GRIP1: variants seen among roughly 807,000 people sequenced by gnomAD.
GRIP1 encodes glutamate receptor-interacting protein 1.
In GRIP1, 45 loss-of-function variants were observed where a neutral mutation model predicts 129.9. The ratio of observed to expected loss-of-function variants is 0.35; its 90% CI spans 0.27 to 0.44. The LOEUF (loss-of-function observed/expected upper bound fraction) is 0.44, where lower values mean the gene tolerates loss of function less well. GRIP1 is among the 20% of genes least tolerant of loss of function. The pLI is 1.00. For synonymous variants in GRIP1, 530 were observed against 520.8 expected, an observed-to-expected ratio of 1.02 and a Z score of -0.24; for missense variants, 1,196 against 1,396.8, an observed-to-expected ratio of 0.86 and a Z score of 2.29.
Position 66,574,936 on chromosome 12 carries a change from T to C in GRIP1, c.136+21911A>G, listed in dbSNP as rs111587446. On this transcript the variant is annotated intron_variant, in intron 2 of 24. Transcript: ENST00000359742. ...CACCCAGCCACCATGCCCAGCTATT[T>C]TTTTTTTCTATTTTTAATAGAGACG... Among the ~76,000 whole-genome samples, 637 of 152,136 alleles carry C rather than the reference T, an allele frequency of 4.2e-3. 6 individuals carry two copies. The highest frequency in any genetic ancestry group is 0.015 in the African/African-American group (606 of 41,514).
chr12:66,662,254 T>C (rs568725515), intron 1 of GRIP1, among the ~76,000 whole-genome samples: 1 of 152,264 alleles, frequency 6.6e-6, no homozygotes, highest in Non-Finnish European at 1.5e-5. Flanking sequence ...CCCCTTGTTA[T>C]TTTCTCAGTT....
chr12:66,687,145 C>A (rs1178019936), intron 1 of GRIP1, among the ~76,000 whole-genome samples: 1 of 152,124 alleles, frequency 6.6e-6, no homozygotes, highest in Non-Finnish European at 1.5e-5. Context: ...CACGTTACTC[C>A]TTCAAATAAA....
chr12:66,625,266 T>C (rs2029885861), intron 1 of GRIP1, among the ~76,000 whole-genome samples: 1 of 152,168 alleles, frequency 6.6e-6, no homozygotes, highest in Non-Finnish European at 1.5e-5. Context: ...TACATTATTG[T>C]CTTGCTTCCA....
At chr12:66,462,887 G>A (rs4913301) in intron 9 of GRIP1, 37 bp downstream of exon 9, 409,240 of 1,558,150 alleles carry the variant, frequency 0.26, 55,863 homozygotes, top group Middle Eastern at 0.35. Context: ...CACTGTGAGG[G>A]CCAGAGAAAG....
intron 1 of GRIP1, among the ~76,000 whole-genome samples, chr12:66,687,805 C>T (rs2034837681): frequency 6.6e-6 from 1 of 152,136 alleles, no homozygotes; most frequent in Non-Finnish European, 1.5e-5. Flanking sequence ...GTCTACCCCT[C>T]CAGGTATGGG....
At chr12:66,355,900 T>C (rs2054466227) in intron 23 of GRIP1, among the ~76,000 whole-genome samples, 1 of 152,182 alleles carries the variant, frequency 6.6e-6, no homozygotes, top group African/African-American at 2.4e-5. Flanking sequence ...TTATGAATCA[T>C]TGCAGAGAAA....
At chr12:67,027,729 T>G (rs2042960765) in intron 1 of GRIP1, among the ~76,000 whole-genome samples, 1 of 152,114 alleles carries the variant, frequency 6.6e-6, no homozygotes, top group Non-Finnish European at 1.5e-5. Flanking sequence ...GCAATAGAAC[T>G]AGTTCAGGGC....
At position 66,465,237 on chromosome 12, in the gene GRIP1, C is replaced by T. The variant is rs550674529; in HGVS notation, c.872+38G>A. ...TTGGGATTACAGGCGTGAGCCACTG[C>T]GCCTGGCGGAAAAGTAGGCACTTTC... On this transcript the variant is annotated intron_variant, in intron 8 of 24. Transcript: ENST00000359742. The T allele has an allele frequency of 1.6e-5, 26 of 1,594,494 alleles. No individual in the cohort carries two copies. In the South Asian group the frequency reaches 2.1e-4, roughly 13 times the overall value.
intron 1 of GRIP1, among the ~76,000 whole-genome samples, chr12:66,835,958 G>A (rs930356335): frequency 6.6e-6 from 1 of 151,998 alleles, no homozygotes; most frequent in Admixed American, 6.6e-5. Context: ...GAGGCTGTGT[G>A]TGTATAGGGG....
intron 1 of GRIP1, among the ~76,000 whole-genome samples, chr12:66,835,054 G>GA (rs1328776026): frequency 1.3e-5 from 2 of 152,110 alleles, no homozygotes; most frequent in South Asian, 2.1e-4. Context: ...CACAGACTGG[G>GA]AAAAATATTT....
At chr12:66,489,151 C>T (rs796993821) in intron 7 of GRIP1, among the ~76,000 whole-genome samples, 7 of 152,128 alleles carry the variant, frequency 4.6e-5, no homozygotes, top group African/African-American at 1.2e-4. Flanking sequence ...TGCCAAAACC[C>T]GGCAGGGATA....
At chr12:67,060,616 T>C (rs901141852) in intron 1 of GRIP1, among the ~76,000 whole-genome samples, 4 of 151,720 alleles carry the variant, frequency 2.6e-5, no homozygotes, top group African/African-American at 9.7e-5. Context: ...AGGTCAGGAG[T>C]TCGAGACCAG....
At chr12:66,411,790 G>T (rs570137806) in intron 15 of GRIP1, among the ~76,000 whole-genome samples, 1 of 152,274 alleles carries the variant, frequency 6.6e-6, no homozygotes, top group East Asian at 1.9e-4. Context: ...AAACATAAAT[G>T]ACCTTATGGA....
intron 15 of GRIP1, among the ~76,000 whole-genome samples, chr12:66,412,829 T>C (rs907225761): frequency 2.0e-5 from 3 of 152,080 alleles, no homozygotes; most frequent in African/African-American, 7.2e-5. Flanking sequence ...AAGCAGAGCC[T>C]GCACTCCTAA....
chr12:66,955,664 T>C (rs2041829936), intron 1 of GRIP1, among the ~76,000 whole-genome samples: 2 of 151,862 alleles, frequency 1.3e-5, no homozygotes, highest in African/African-American at 4.8e-5. Flanking sequence ...TGCATCACCA[T>C]GCCCGGATAA....
upstream of GRIP1, among the ~76,000 whole-genome samples, chr12:66,808,445 C>T: frequency 6.6e-6 from 1 of 152,010 alleles, no homozygotes. Flanking sequence ...TTACAGGCGC[C>T]TGCCACCATG....
chr12:66,463,373 T>C lies in GRIP1; in HGVS notation c.873-280A>G, dbSNP rs150912557. ...TATTTTGGAGTGCTTGTGTGGAAAGTTGAGGGAAAGCGAGCAAGAGGAAAG... is the reference window on the plus strand; with the variant it reads ...TATTTTGGAGTGCTTGTGTGGAAAGCTGAGGGAAAGCGAGCAAGAGGAAAG... On this transcript the variant is annotated intron_variant, in intron 8 of 24. Coordinates refer to ENST00000359742, the MANE Select transcript of GRIP1 (RefSeq NM_001366722.1). Among the ~76,000 whole-genome samples the C allele has an allele frequency of 7.8e-4, 119 of 152,192 alleles. No homozygotes were observed. The East Asian group carries it at 0.019, about 24-fold the overall frequency.
chr12:66,840,313 T>C (rs185696159), intron 1 of GRIP1, among the ~76,000 whole-genome samples: 1 of 152,186 alleles, frequency 6.6e-6, no homozygotes, highest in Non-Finnish European at 1.5e-5. Flanking sequence ...GTTATTCTTA[T>C]TAAGGAACAA....
chr12:66,785,013 A>G (rs2038276485), intron 1 of GRIP1, among the ~76,000 whole-genome samples: 2 of 152,040 alleles, frequency 1.3e-5, no homozygotes, highest in Admixed American at 6.6e-5. Flanking sequence ...TCTCTTTCTT[A>G]TCACATCTGA....
Sources: allele counts gnomAD v4.1 joint callset (sites outside exome capture counted in the v4.1 genomes callset), GRCh38; gene constraint gnomAD v4.1.1; transcripts MANE v1.5; gene names NCBI Gene and HGNC (gene_info 2026-07-23, HGNC 2026-07-21).